The following NAALADL2 variants were observed in gnomAD, a reference collection of about 807,000 sequenced individuals.
NAALADL2 encodes N-acetylated alpha-linked acidic dipeptidase like 2, also known as inactive N-acetylated-alpha-linked acidic dipeptidase-like protein 2.
NAALADL2 carries 76 observed loss-of-function variants against 87.2 expected under a neutral mutation model. The ratio of observed to expected loss-of-function variants is 0.87; its 90% CI spans 0.72 to 1.05. NAALADL2 has a LOEUF of 1.05. Ranked by LOEUF, NAALADL2 falls within the 50% of genes least tolerant of loss-of-function variation. The pLI is 0.00. For synonymous variants in NAALADL2, 354 were observed against 331.0 expected, an observed-to-expected ratio of 1.07 and a Z score of -0.75; for missense variants, 1,089 against 945.8, an observed-to-expected ratio of 1.15 and a Z score of -1.99.
At chr3:175,206,000 A>C (rs1027353673) in intron 2 of NAALADL2, among the ~76,000 whole-genome samples, 1 of 151,922 alleles carries the variant, frequency 6.6e-6, no homozygotes, top group Non-Finnish European at 1.5e-5. Flanking sequence ...TGCTGGTAGG[A>C]ATGTAAACTA....
chr3:175,132,903 G>A (rs1471401562), intron 2 of NAALADL2, among the ~76,000 whole-genome samples: 6 of 151,422 alleles, frequency 4.0e-5, no homozygotes, highest in Non-Finnish European at 7.4e-5. Context: ...CGGCTGCCGG[G>A]CGGAGGGACT....
intron 3 of NAALADL2, among the ~76,000 whole-genome samples, chr3:174,844,744 A>G (rs928148881): frequency 2.7e-5 from 4 of 145,720 alleles, no homozygotes; most frequent in East Asian, 2.0e-4. Flanking sequence ...TTTTTTAGAT[A>G]GTCTGTTATT....
At chr3:175,196,660 C>A (rs940770335) in intron 2 of NAALADL2, among the ~76,000 whole-genome samples, 3 of 151,890 alleles carry the variant, frequency 2.0e-5, no homozygotes, top group Non-Finnish European at 2.9e-5. Flanking sequence ...TAATCTTGCA[C>A]CCACGTAAAA....
At chr3:175,266,112 CT>C (rs1751895821) in intron 4 of NAALADL2, among the ~76,000 whole-genome samples, 1 of 150,458 alleles carries the variant, frequency 6.6e-6, no homozygotes, top group African/African-American at 2.4e-5. Flanking sequence ...TTCATTAAGT[CT>C]ATGTAATTTT....
chr3:175,800,069 T>C (rs1166754984), intron 13 of NAALADL2, among the ~76,000 whole-genome samples: 1 of 152,200 alleles, frequency 6.6e-6, no homozygotes, highest in East Asian at 1.9e-4. Flanking sequence ...ATATTTCTCA[T>C]CTGTAACAGA....
At chr3:175,362,792 C>T (rs146917771) in intron 5 of NAALADL2, among the ~76,000 whole-genome samples, 2 of 147,980 alleles carry the variant, frequency 1.4e-5, no homozygotes, top group African/African-American at 4.9e-5. Flanking sequence ...AGTTTGCATT[C>T]CCGCCAGCAG....
intron 5 of NAALADL2, among the ~76,000 whole-genome samples, chr3:175,330,691 A>G (rs1761292726): frequency 6.6e-6 from 1 of 152,154 alleles, no homozygotes; most frequent in Non-Finnish European, 1.5e-5. Flanking sequence ...AAAAACACCT[A>G]TATCAAAAAA....
chr3:174,523,886 C>T (rs1720494017), intron 1 of NAALADL2, among the ~76,000 whole-genome samples: 1 of 151,832 alleles, frequency 6.6e-6, no homozygotes, highest in Non-Finnish European at 1.5e-5. Context: ...TGCTTTTTTC[C>T]TTTTTTTAAA....
chr3:174,609,844 C>G (rs968269739), intron 2 of NAALADL2, among the ~76,000 whole-genome samples: 2 of 152,096 alleles, frequency 1.3e-5, no homozygotes, highest in Non-Finnish European at 2.9e-5. Context: ...AAAAAAGAGC[C>G]CGCATCGCCA....
chr3:174,904,984 T>C (rs1732803062), intron 1 of NAALADL2, among the ~76,000 whole-genome samples: 3 of 151,890 alleles, frequency 2.0e-5, no homozygotes, highest in Non-Finnish European at 4.4e-5. Context: ...ATGGGATTGC[T>C]GTATTGTTAT....
intron 2 of NAALADL2, among the ~76,000 whole-genome samples, chr3:175,229,633 G>C (rs542776869): frequency 6.6e-6 from 1 of 151,884 alleles, no homozygotes; most frequent in African/African-American, 2.4e-5. Flanking sequence ...ATGATGGAAA[G>C]ATAATATAAT....
chr3:175,243,576 A>G (rs1374505157), intron 3 of NAALADL2, among the ~76,000 whole-genome samples: 3 of 109,842 alleles, frequency 2.7e-5, no homozygotes, highest in South Asian at 3.0e-4. Context: ...GAACCATTTT[A>G]CTAGCATACA....
chr3:174,454,715 C>T (rs1715710289), intron 1 of NAALADL2, among the ~76,000 whole-genome samples: 1 of 152,130 alleles, frequency 6.6e-6, no homozygotes, highest in Non-Finnish European at 1.5e-5. Flanking sequence ...ACCAAAATCT[C>T]TGGGACACAG....
chr3:174,604,159 G>A (rs1213557441), intron 2 of NAALADL2, among the ~76,000 whole-genome samples: 1 of 152,068 alleles, frequency 6.6e-6, no homozygotes, highest in Non-Finnish European at 1.5e-5. Context: ...AAAGTGAGAT[G>A]TGCTGATAGT....
intron 1 of NAALADL2, among the ~76,000 whole-genome samples, chr3:174,971,933 G>C (rs140775184): frequency 0.024 from 3,688 of 152,122 alleles, 128 homozygotes; most frequent in East Asian, 0.17. Flanking sequence ...CCTGACCTCA[G>C]GTGATCCACC....
At chr3:175,485,878 A>G (rs1281754000) in intron 9 of NAALADL2, among the ~76,000 whole-genome samples, 2 of 152,332 alleles carry the variant, frequency 1.3e-5, no homozygotes, top group African/African-American at 4.8e-5. Flanking sequence ...CTCTTAGAAG[A>G]AGAGACAGGA....
intron 9 of NAALADL2, among the ~76,000 whole-genome samples, chr3:175,476,351 G>A (rs1471555253): frequency 6.6e-6 from 1 of 152,072 alleles, no homozygotes; most frequent in Non-Finnish European, 1.5e-5. Flanking sequence ...TGTTGCCCAG[G>A]AGCTTATAAT....
At chr3:175,134,420 A>G (rs1483600269) in intron 2 of NAALADL2, among the ~76,000 whole-genome samples, 1 of 144,362 alleles carries the variant, frequency 6.9e-6, no homozygotes, top group East Asian at 2.0e-4. Flanking sequence ...GTCATCAGCT[A>G]CTCAGCTTTT....
At chr3:174,930,644 C>T (rs1351228519) in intron 1 of NAALADL2, among the ~76,000 whole-genome samples, 3 of 54,904 alleles carry the variant, frequency 5.5e-5, no homozygotes, top group Non-Finnish European at 8.7e-5. Context: ...TTTTTTGAGA[C>T]AGAGTCTCAC....
Sources: allele counts gnomAD v4.1 joint callset (sites outside exome capture counted in the v4.1 genomes callset), GRCh38; gene constraint gnomAD v4.1.1; transcripts MANE v1.5; gene names NCBI Gene and HGNC (gene_info 2026-07-23, HGNC 2026-07-21).